The following CEP72 variants were observed in gnomAD, a reference collection of about 807,000 sequenced individuals.
The protein encoded by CEP72 is centrosomal protein of 72 kDa.
In CEP72, 78 loss-of-function variants were observed where a neutral mutation model predicts 65.7. That is an observed-to-expected ratio of 1.19 (90% confidence interval 0.99 to 1.43). The LOEUF (loss-of-function observed/expected upper bound fraction) is 1.43, where lower values mean the gene tolerates loss of function less well. Among genes scored for constraint, CEP72 ranks in the 40% most tolerant of loss-of-function variants. The probability of loss-of-function intolerance (pLI) is 0.00; values close to 1 mark genes in which losing one functional copy is unlikely to be tolerated. For missense variants in CEP72, 914 were observed against 832.9 expected, an observed-to-expected ratio of 1.10 and a Z score of -1.20; for synonymous variants, 358 against 351.7, an observed-to-expected ratio of 1.02 and a Z score of -0.20.
Position 620,280 on chromosome 5 carries a change from C to T in CEP72, c.403+19C>T, listed in dbSNP as rs979602482. 3.7e-6 allele frequency: 6 copies of T among 1,604,516 alleles called. No homozygotes were observed. The highest frequency in any genetic ancestry group is 5.1e-6 in the Non-Finnish European group (6 of 1,171,862). ...CAGCTGGGTAGGCATCAGGCAGGGC[C>T]ACGCTCATGCTTTTGTCCCCGTGGG... is the stretch of plus-strand genomic sequence containing the variant. On this transcript the variant is annotated intron_variant, in intron 3 of 11. Coordinates refer to ENST00000264935, the MANE Select transcript of CEP72 (RefSeq NM_018140.4).
chr5:640,488 G>C lies in CEP72; in HGVS notation c.1423G>C (p.Gly475Arg), dbSNP rs368269218. The part of the protein sequence containing the change: ...DSSAMVGEDV[G>R]SLALESKSLQ... The stretch of plus-strand genomic sequence containing the variant: ...CTCTGCGATGGTGGGTGAAGATGTC[G>C]GCTCCCTGGCTCTGGAGAGTAAGTC... The change falls in exon 9 of 12, where the codon GGC becomes CGC. Residue 475 changes from glycine to arginine, a missense_variant. Gly to Arg is a moderately radical substitution (Grantham distance 125, BLOSUM62 -2). Transcript: ENST00000264935. 4 of 1,614,214 alleles carry C rather than the reference G, an allele frequency of 2.5e-6. No homozygotes were observed. The East Asian group carries it at 8.9e-5, about 36-fold the overall frequency.
At chr5:636,041 G>A (rs56403968) in intron 6 of CEP72, among the ~76,000 whole-genome samples, 3,287 of 151,934 alleles carry the variant, frequency 0.022, 126 homozygotes, top group African/African-American at 0.075. Flanking sequence ...CCTCTTAAAG[G>A]CCCTCCGCTT....
the CEP72 span, chr5:676,185 C>T: frequency 6.6e-6 from 1 of 152,274 alleles, no homozygotes; most frequent in Non-Finnish European, 1.5e-5. Flanking sequence ...CATAACTTTC[C>T]AAACCCCAAA....
downstream of CEP72, among the ~76,000 whole-genome samples, chr5:669,713 C>T (rs1740130745): frequency 6.6e-6 from 1 of 152,066 alleles, no homozygotes; most frequent in Non-Finnish European, 1.5e-5. Flanking sequence ...GATCCGGACA[C>T]CTGCTCTGCG....
At chr5:616,816 A>ATGTG (rs978090349) in intron 1 of CEP72, among the ~76,000 whole-genome samples, 3 of 105,156 alleles carry the variant, frequency 2.9e-5, no homozygotes, top group Non-Finnish European at 5.9e-5. Flanking sequence ...GTGTGTGTGT[A>ATGTG]TGTGTGTGTG....
chr5:614,030 C>T (rs1735842340), intron 1 of CEP72, among the ~76,000 whole-genome samples: 1 of 152,186 alleles, frequency 6.6e-6, no homozygotes, highest in Non-Finnish European at 1.5e-5. Flanking sequence ...CTGATTAGTG[C>T]TACAAGGTTT....
Position 649,854 on chromosome 5 carries a change from GTGAGGCGTGAC to G in CEP72, c.1778+1944_1778+1954del, listed in dbSNP as rs1253293905. Among the ~76,000 whole-genome samples, 456 of 91,432 alleles carry G rather than the reference GTGAGGCGTGAC, an allele frequency of 5.0e-3. 15 individuals carry two copies. The highest frequency in any genetic ancestry group is 9.4e-3 in the East Asian group (18 of 1,906). 60.0% of individuals were successfully genotyped at this position (91,432 alleles called of 152,430 possible). ...TGAGGCGTGACTGTGAGGCGTGACT[GTGAGGCGTGAC>G]TGAGGTGTGGACTGTGAGGTGGGAC... On this transcript the variant is annotated intron_variant, in intron 11 of 11. Coordinates refer to ENST00000264935, the MANE Select transcript of CEP72 (RefSeq NM_018140.4).
At chr5:617,156 A>G (rs1482757847) in intron 1 of CEP72, among the ~76,000 whole-genome samples, 2 of 152,116 alleles carry the variant, frequency 1.3e-5, no homozygotes, top group Non-Finnish European at 2.9e-5. Flanking sequence ...GTAGTAAATA[A>G]GCATAAACAA....
chr5:649,985 G>A (rs1384023620), intron 11 of CEP72, among the ~76,000 whole-genome samples: 1 of 114,378 alleles, frequency 8.7e-6, no homozygotes. Flanking sequence ...GTGTGACTGT[G>A]AGGCGTGGAC....
chr5:638,379 A>G (rs1737764964), intron 7 of CEP72, among the ~76,000 whole-genome samples: 1 of 152,046 alleles, frequency 6.6e-6, no homozygotes, highest in Non-Finnish European at 1.5e-5. Context: ...AGGCGTTGAG[A>G]CACACCTGCT....
chr5:666,032 C>T (rs1190393182), exon 4 of CEP72: 9 of 1,611,422 alleles, frequency 5.6e-6, no homozygotes, highest in Non-Finnish European at 6.8e-6. Flanking sequence ...CGAACGGCCT[C>T]CTCGCTGCTC....
chr5:624,467 C>A lies in CEP72; in HGVS notation c.404-4C>A. On this transcript the variant is annotated splice_polypyrimidine_tract_variant and splice_region_variant and intron_variant, in intron 3 of 11. Coordinates refer to ENST00000264935, the MANE Select transcript of CEP72 (RefSeq NM_018140.4). This position sits in a 1 kb window ranked among gnomAD's most constrained non-coding sequence, Gnocchi z 4.7. Reference sequence around the variant, plus strand: ...GCACAGTCTTGTGTGGCCTTTTCTTCTAGACGATCGCCCCGTGAGAGCAAG... The same window carrying A: ...GCACAGTCTTGTGTGGCCTTTTCTTATAGACGATCGCCCCGTGAGAGCAAG... 1 of 1,612,966 alleles carries A rather than the reference C, an allele frequency of 6.2e-7. No homozygotes were observed. Among genetic ancestry groups the A allele is most frequent in the Non-Finnish European group, 8.5e-7 (1 of 1,178,888 alleles).
At chr5:669,230 G>A (rs927420698), downstream of CEP72, among the ~76,000 whole-genome samples, 16 of 152,266 alleles carry the variant, frequency 1.1e-4, no homozygotes, top group African/African-American at 2.9e-4. Context: ...CAGACCCGCC[G>A]GCCATAGGGC....
At chr5:664,313 C>T (rs1190077481) in intron 2 of CEP72, 1 of 152,398 alleles carries the variant, frequency 6.6e-6, no homozygotes, top group Non-Finnish European at 1.5e-5. Context: ...CATTCTGAAT[C>T]TTCCCAGACC....
intron 4 of CEP72, among the ~76,000 whole-genome samples, chr5:628,551 CAGT>C (rs1736932929): frequency 9.4e-5 from 14 of 148,432 alleles, no homozygotes; most frequent in Admixed American, 1.3e-4. Context: ...ACTCAGGTTG[CAGT>C]CCCCGGGGAG....
At position 635,375 on chromosome 5, in the gene CEP72, C is replaced by A; in HGVS notation, c.695C>A (p.Ser232Tyr). The A allele has an allele frequency of 3.1e-6, 5 of 1,597,312 alleles. No individual in the cohort carries two copies. The highest frequency in any genetic ancestry group is 1.7e-4 in the Middle Eastern group (1 of 6,034). Reference sequence around the variant, plus strand: ...TTTATTTACAATATTTTAATAGAATCCAGACATCTGTTGAGCCCGCAGTTG... The same window carrying A: ...TTTATTTACAATATTTTAATAGAATACAGACATCTGTTGAGCCCGCAGTTG... ...READSRGSQESRHLLSPQLVQ... is the reference protein window; with the variant it reads ...READSRGSQEYRHLLSPQLVQ... Residue 232 changes from serine (S) to tyrosine (Y), a missense_variant, in exon 6 of 12, where the codon TCC becomes TAC. By Grantham distance (144) the Ser-to-Tyr change is moderately radical. Coordinates refer to ENST00000264935, the MANE Select transcript of CEP72 (RefSeq NM_018140.4).
chr5:639,767 A>G (rs1182090622), intron 8 of CEP72, among the ~76,000 whole-genome samples: 1 of 152,156 alleles, frequency 6.6e-6, no homozygotes, highest in Non-Finnish European at 1.5e-5. Context: ...CCGCGTCCCC[A>G]GGGGCACCTT....
At chr5:674,199 G>A in the CEP72 span, among the ~76,000 whole-genome samples, 1 of 152,310 alleles carries the variant, frequency 6.6e-6, no homozygotes, top group African/African-American at 2.4e-5. Context: ...GTGTATCCTG[G>A]AACACACATT....
chr5:633,416 T>C (rs1470694700), intron 4 of CEP72, among the ~76,000 whole-genome samples: 1 of 147,444 alleles, frequency 6.8e-6, no homozygotes, highest in African/African-American at 2.5e-5. Context: ...GGTGGGGTGC[T>C]GTCCAGTGCC....
Sources: gnomAD v4.1 joint callset for allele counts (sites outside exome capture counted in the v4.1 genomes callset) on GRCh38, gnomAD v4.1.1 for gene constraint, Gnocchi (gnomAD v3.1) non-coding constraint, MANE v1.5 for transcripts, NCBI Gene and HGNC (gene_info 2026-07-23, HGNC 2026-07-21) for gene names.